Variants in CTNNBIP1 observed in about 807,000 individuals in gnomAD.
CTNNBIP1 encodes the protein catenin beta interacting protein 1.
Under a neutral mutation model 11.8 loss-of-function variants are expected in CTNNBIP1, and 7 were observed. That is an observed-to-expected ratio of 0.60 (90% CI 0.34 to 1.12). The LOEUF (loss-of-function observed/expected upper bound fraction) is 1.12, where lower values mean the gene tolerates loss of function less well. Among genes scored for constraint, CTNNBIP1 ranks in the 50% most tolerant of loss-of-function variants. The pLI, the probability that CTNNBIP1 is intolerant of heterozygous loss-of-function variation, is 0.03. For missense variants in CTNNBIP1, 101 were observed against 113.4 expected (o/e 0.89, Z 0.50); for synonymous variants, 58 against 43.9 (o/e 1.32, Z -1.26).
intron 1 of CTNNBIP1, among the ~76,000 whole-genome samples, chr1:9,888,073 C>T (rs1041172076): frequency 2.0e-5 from 3 of 151,866 alleles, no homozygotes; most frequent in Admixed American, 2.0e-4. Context: ...ATCCACCTGC[C>T]TCAGCCTCCC....
chr1:9,861,605 G>A (rs1638627576), intron 5 of CTNNBIP1, among the ~76,000 whole-genome samples: 1 of 152,250 alleles, frequency 6.6e-6, no homozygotes, highest in Non-Finnish European at 1.5e-5. Context: ...AGGCACAAGA[G>A]GCTGCTGGGC....
chr1:9,874,473 C>T (rs6696382), intron 3 of CTNNBIP1, among the ~76,000 whole-genome samples: 5,145 of 152,260 alleles, frequency 0.034, 324 homozygotes, highest in African/African-American at 0.12. Flanking sequence ...AGGTTGGTCT[C>T]AAATTCCTGG....
chr1:9,880,101 T>C (rs1368243820), intron 2 of CTNNBIP1, among the ~76,000 whole-genome samples: 1 of 152,088 alleles, frequency 6.6e-6, no homozygotes, highest in African/African-American at 2.4e-5. Context: ...ATGCATTAGG[T>C]ATTTGTCTTA....
intron 5 of CTNNBIP1, among the ~76,000 whole-genome samples, chr1:9,864,992 G>C (rs1420927067): frequency 6.6e-6 from 1 of 152,174 alleles, no homozygotes; most frequent in South Asian, 2.1e-4. Flanking sequence ...ACCTTGGGAG[G>C]CCAAGGTGGG....
At position 9,907,904 on chromosome 1, in the gene CTNNBIP1, C is replaced by T. The variant is rs895224747; in HGVS notation, c.-144+2191G>A. Among the ~76,000 whole-genome samples, 5 of 152,232 alleles carry T rather than the reference C, an allele frequency of 3.3e-5. No homozygotes were observed. In the East Asian group the frequency reaches 9.6e-4, roughly 29 times the overall value. Reference sequence around the variant, plus strand: ...GCCTCCACCTTTGCTCCTTAGAATCCAGTCTCTACACAGTGGCCAGAACAA... The same window carrying T: ...GCCTCCACCTTTGCTCCTTAGAATCTAGTCTCTACACAGTGGCCAGAACAA... On this transcript the variant is annotated intron_variant, in intron 1 of 5. Coordinates refer to ENST00000377263, the MANE Select transcript of CTNNBIP1 (RefSeq NM_020248.3).
At chr1:9,885,301 G>C (rs572250650) in intron 1 of CTNNBIP1, among the ~76,000 whole-genome samples, 3 of 152,244 alleles carry the variant, frequency 2.0e-5, no homozygotes, top group Admixed American at 2.0e-4. Flanking sequence ...GAACAATTTT[G>C]GGGGACAATC....
intron 1 of CTNNBIP1, among the ~76,000 whole-genome samples, chr1:9,887,838 T>G (rs115947418): frequency 0.017 from 2,542 of 152,234 alleles, 60 homozygotes; most frequent in African/African-American, 0.057. Flanking sequence ...TAATTAATTA[T>G]TTTTGAGATG....
At chr1:9,864,549 C>T (rs575220930) in intron 5 of CTNNBIP1, among the ~76,000 whole-genome samples, 7 of 152,276 alleles carry the variant, frequency 4.6e-5, no homozygotes, top group East Asian at 3.9e-4. Flanking sequence ...AGGATGGTCT[C>T]AATCTCCTGA....
intron 2 of CTNNBIP1, among the ~76,000 whole-genome samples, chr1:9,881,173 C>CTGTGGT (rs1639073166): frequency 1.3e-5 from 2 of 151,732 alleles, no homozygotes; most frequent in Middle Eastern, 3.4e-3. Flanking sequence ...ATGGCTGAAC[C>CTGTGGT]ACAGGCATGC....
rs369742820 is a variant in CTNNBIP1, at chr1:9,881,433, A to C, written c.-110+2272T>G. 1.6e-3 allele frequency among the ~76,000 whole-genome samples: 228 copies of C among 140,162 alleles called. 3 individuals are homozygous for C. Among genetic ancestry groups the C allele is most frequent in the African/African-American group, 5.8e-3 (215 of 36,858 alleles). 92.0% of individuals were successfully genotyped at this position (140,162 alleles called of 152,430 possible). A position where few individuals can be genotyped will look rare whatever the true frequency, so the allele number is the denominator to read the frequency against. ...CAGCTCACTGCAACCTCCGCCTCCC[A>C]GGTTCAAGCCATTCTCTTCCCTCAG... On this transcript the variant is annotated intron_variant, in intron 2 of 5. Transcript: ENST00000377263.
chr1:9,861,462 T>G (rs1439506656), intron 5 of CTNNBIP1, among the ~76,000 whole-genome samples: 1 of 152,164 alleles, frequency 6.6e-6, no homozygotes, highest in East Asian at 1.9e-4. Context: ...GGGATGGCTT[T>G]TACCCAGAGA....
intron 5 of CTNNBIP1, among the ~76,000 whole-genome samples, chr1:9,862,805 T>G (rs938034468): frequency 6.6e-6 from 1 of 152,260 alleles, no homozygotes; most frequent in African/African-American, 2.4e-5. Flanking sequence ...CAGTCTGCTC[T>G]GCTGGTCCAG....
In CTNNBIP1 at chr1:9,867,054, A is replaced by G. The variant is rs2101469134; in HGVS notation, c.187+4133T>C. Among the ~76,000 whole-genome samples the G allele has an allele frequency of 6.6e-6, 1 of 152,296 alleles. No individual in the cohort carries two copies. The highest frequency in any genetic ancestry group is 2.4e-5 in the African/African-American group (1 of 41,556). On this transcript the variant is annotated intron_variant, in intron 5 of 5. Transcript: ENST00000377263. The surrounding 1 kb of genome is among the most constrained non-coding windows in gnomAD (Gnocchi z 4.6). ...ATGGGTGGCTGTGGTGATGCTGGCCAACAGTCAGCTGGCTATGTTCTCTGT... is the reference window on the plus strand; with the variant it reads ...ATGGGTGGCTGTGGTGATGCTGGCCGACAGTCAGCTGGCTATGTTCTCTGT...
At chr1:9,906,045 T>C (rs1017266889) in intron 1 of CTNNBIP1, among the ~76,000 whole-genome samples, 5 of 152,210 alleles carry the variant, frequency 3.3e-5, no homozygotes, top group African/African-American at 1.2e-4. Context: ...TTACTTCAAT[T>C]TAGCATATAC....
intron 1 of CTNNBIP1, among the ~76,000 whole-genome samples, chr1:9,901,254 G>A (rs764796158): frequency 1.3e-5 from 2 of 152,204 alleles, no homozygotes; most frequent in Non-Finnish European, 2.9e-5. Context: ...GCAAGTCAGG[G>A]TCAGGATGGG....
At chr1:9,893,288 C>G (rs1002960205) in intron 1 of CTNNBIP1, 2 of 152,182 alleles carry the variant, frequency 1.3e-5, no homozygotes, top group African/African-American at 4.8e-5. Context: ...TCACAATGGG[C>G]GCAGGCATGA....
At chr1:9,864,067 G>A (rs989464631) in intron 5 of CTNNBIP1, among the ~76,000 whole-genome samples, 1 of 152,226 alleles carries the variant, frequency 6.6e-6, no homozygotes, top group Non-Finnish European at 1.5e-5. Flanking sequence ...AGCAGCCTCA[G>A]CTTCCAAAGG....
At chr1:9,887,944 C>T (rs1374856345) in intron 1 of CTNNBIP1, among the ~76,000 whole-genome samples, 1 of 151,822 alleles carries the variant, frequency 6.6e-6, no homozygotes, top group Non-Finnish European at 1.5e-5. Flanking sequence ...CCTGCCTCAG[C>T]CTCCTAATAG....
At position 9,850,432 on chromosome 1, in the gene CTNNBIP1, A is replaced by G. The variant is rs1462884018; in HGVS notation, c.*286T>C. On this transcript the variant is annotated 3_prime_UTR_variant, in exon 6 of 6. Transcript: ENST00000377263. ...GCAAATTTTTTAAAAAATAAGAGTCAGAAATAAAAATAAAAGGTTTCTGTT... is the reference window on the plus strand; with the variant it reads ...GCAAATTTTTTAAAAAATAAGAGTCGGAAATAAAAATAAAAGGTTTCTGTT... 2 of 322,594 alleles carry G rather than the reference A, an allele frequency of 6.2e-6. No homozygotes were observed. The highest frequency in any genetic ancestry group is 1.1e-4 in the East Asian group (2 of 18,464). 20.0% of individuals were successfully genotyped at this position (322,594 alleles called of 1,614,324 possible).
Sources: allele counts gnomAD v4.1 joint callset (sites outside exome capture counted in the v4.1 genomes callset), GRCh38; gene constraint gnomAD v4.1.1; non-coding constraint Gnocchi (gnomAD v3.1); transcripts MANE v1.5; gene names NCBI Gene and HGNC (gene_info 2026-07-23, HGNC 2026-07-21).